Variants in TEK observed in about 807,000 individuals in gnomAD.
TEK encodes TEK receptor tyrosine kinase.
Under a neutral mutation model 131.8 loss-of-function variants are expected in TEK, and 43 were observed. The ratio of observed to expected loss-of-function variants is 0.33; its 90% CI spans 0.26 to 0.42. The LOEUF (loss-of-function observed/expected upper bound fraction) is 0.42. TEK is among the 10% of genes least tolerant of loss of function. TEK has a pLI of 1.00. For missense variants in TEK, 1,162 were observed against 1,384.4 expected (o/e 0.84, Z 2.55); for synonymous variants, 580 against 491.6 (o/e 1.18, Z -2.38).
intron 1 of TEK, among the ~76,000 whole-genome samples, chr9:27,139,227 A>G (rs1201064022): frequency 1.4e-5 from 2 of 146,712 alleles, no homozygotes; most frequent in Non-Finnish European, 1.5e-5. Flanking sequence ...AAAAAAAAAC[A>G]GTAGGATTCT....
intron 2 of TEK, among the ~76,000 whole-genome samples, chr9:27,165,163 G>A (rs1823681835): frequency 6.6e-6 from 1 of 152,216 alleles, no homozygotes; most frequent in Non-Finnish European, 1.5e-5. Context: ...GAGCCACAGA[G>A]TGGTGGGGGG....
intron 1 of TEK, among the ~76,000 whole-genome samples, chr9:27,138,074 C>A (rs997141068): frequency 1.3e-5 from 2 of 152,196 alleles, no homozygotes; most frequent in African/African-American, 2.4e-5. Flanking sequence ...TTGTTCCTTC[C>A]GGTGGGTTCG....
chr9:27,155,299 A>C (rs912003786), intron 1 of TEK, among the ~76,000 whole-genome samples: 1 of 152,164 alleles, frequency 6.6e-6, no homozygotes, highest in East Asian at 1.9e-4. Flanking sequence ...TGTTTTTACT[A>C]TCCTAACTTG....
chr9:27,149,179 C>G (rs1269068975), intron 1 of TEK, among the ~76,000 whole-genome samples: 1 of 152,084 alleles, frequency 6.6e-6, no homozygotes, highest in African/African-American at 2.4e-5. Context: ...AGGCATTGTG[C>G]TCATTGTTAG....
intron 1 of TEK, among the ~76,000 whole-genome samples, chr9:27,151,808 T>C (rs1823137422): frequency 6.6e-6 from 1 of 152,222 alleles, no homozygotes. Context: ...AGTGAATGAA[T>C]GGACACATAA....
chr9:27,228,171 TA>T, intron 21 of TEK, 34 bp from the exon 22 acceptor site: 1 of 1,544,880 alleles, frequency 6.5e-7, no homozygotes, highest in Non-Finnish European at 8.9e-7. Flanking sequence ...GAAGCACAGT[TA>T]TAGAATTAAC....
chr9:27,124,985 G>C (rs1821936726), intron 1 of TEK, among the ~76,000 whole-genome samples: 1 of 152,154 alleles, frequency 6.6e-6, no homozygotes, highest in Non-Finnish European at 1.5e-5. Context: ...ACAGTCCCCA[G>C]TCGCTCATTT....
intron 21 of TEK, among the ~76,000 whole-genome samples, chr9:27,226,688 T>C (rs12336517): frequency 0.47 from 71,570 of 151,466 alleles, 17,028 homozygotes; most frequent in Admixed American, 0.57. Flanking sequence ...CAAACCTGCA[T>C]GTTCTCCACA....
At chr9:27,139,852 A>T (rs754677286) in intron 1 of TEK, among the ~76,000 whole-genome samples, 2 of 152,114 alleles carry the variant, frequency 1.3e-5, no homozygotes, top group Admixed American at 6.6e-5. Flanking sequence ...CCACAGTTGT[A>T]TACTAGTTTG....
chr9:27,164,344 G>A (rs1053166262), intron 2 of TEK, among the ~76,000 whole-genome samples: 2 of 149,406 alleles, frequency 1.3e-5, no homozygotes, highest in Admixed American at 6.7e-5. Context: ...TTTTGAGATG[G>A]AGTCTCACTC....
At chr9:27,192,728 T>TGGGGGGGTG in intron 11 of TEK, 105 bp downstream of exon 11, 1 of 161,302 alleles carries the variant, frequency 6.2e-6, no homozygotes, top group Admixed American at 7.7e-5. Flanking sequence ...AGTGGGTGGG[T>TGGGGGGGTG]GGGGATGGAG....
At chr9:27,111,550 AC>A (rs1821348344) in intron 1 of TEK, among the ~76,000 whole-genome samples, 2 of 148,820 alleles carry the variant, frequency 1.3e-5, no homozygotes. Context: ...AAAAAAAGCC[AC>A]TTTTTTTTAG....
chr9:27,228,830 G>C (rs1160602923), intron 22 of TEK, among the ~76,000 whole-genome samples: 1 of 151,188 alleles, frequency 6.6e-6, no homozygotes, highest in East Asian at 1.9e-4. Flanking sequence ...ACACAGATGT[G>C]AAAATGAGAT....
At chr9:27,222,475 T>C (rs1826124709) in intron 21 of TEK, among the ~76,000 whole-genome samples, 1 of 152,104 alleles carries the variant, frequency 6.6e-6, no homozygotes, top group South Asian at 2.1e-4. Context: ...AAAGGTCAGG[T>C]TACCCACAAA....
intron 2 of TEK, 116 bp downstream of exon 2, chr9:27,158,258 C>A: frequency 8.2e-7 from 1 of 1,214,284 alleles, no homozygotes. Context: ...TAGAGCTTGA[C>A]GATCTTGCCT....
At chr9:27,223,982 C>T (rs182815834) in intron 21 of TEK, among the ~76,000 whole-genome samples, 4,244 of 152,282 alleles carry the variant, frequency 0.028, 91 homozygotes, top group Non-Finnish European at 0.048. Flanking sequence ...ACTATAAACA[C>T]CTCTACGCAA....
chr9:27,132,063 G>A (rs1367139509), intron 1 of TEK, among the ~76,000 whole-genome samples: 1 of 151,226 alleles, frequency 6.6e-6, no homozygotes, highest in Non-Finnish European at 1.5e-5. Context: ...TTGTGGTTTT[G>A]GAGACATCTT....
chr9:27,125,238 G>T (rs757609829), intron 1 of TEK, among the ~76,000 whole-genome samples: 7 of 152,230 alleles, frequency 4.6e-5, no homozygotes, highest in African/African-American at 1.4e-4. Flanking sequence ...CGCCTAACAG[G>T]CTTGGATACA....
At chr9:27,138,992 G>A (rs763118555) in intron 1 of TEK, among the ~76,000 whole-genome samples, 19 of 151,876 alleles carry the variant, frequency 1.3e-4, no homozygotes, top group Non-Finnish European at 2.2e-4. Flanking sequence ...GGTGGATCAC[G>A]AGGTCAGGAG....
Sources: allele counts gnomAD v4.1 joint callset (sites outside exome capture counted in the v4.1 genomes callset), GRCh38; gene constraint gnomAD v4.1.1; transcripts MANE v1.5; gene names NCBI Gene and HGNC (gene_info 2026-07-23, HGNC 2026-07-21).